STXBP5L: variants seen among roughly 807,000 people sequenced by gnomAD.
STXBP5L encodes syntaxin-binding protein 5-like.
A neutral mutation model predicts 144.5 loss-of-function variants in STXBP5L; 65 were observed. The observed-to-expected ratio is 0.45, with a 90% CI of 0.37 to 0.55. The LOEUF (loss-of-function observed/expected upper bound fraction) is 0.55, where lower values mean the gene tolerates loss of function less well. Ranked by LOEUF, STXBP5L falls within the 20% of genes least tolerant of loss-of-function variation. The pLI is 0.00. For missense variants in STXBP5L, 1,298 were observed against 1,405.5 expected, an observed-to-expected ratio of 0.92 and a Z score of 1.22; for synonymous variants, 505 against 469.6, an observed-to-expected ratio of 1.08 and a Z score of -0.97.
chr3:121,161,113 T>C (rs1324781696), intron 9 of STXBP5L, among the ~76,000 whole-genome samples: 1 of 152,160 alleles, frequency 6.6e-6, no homozygotes, highest in Non-Finnish European at 1.5e-5. Context: ...TTTTCTTTGC[T>C]ATTTATCATT....
chr3:121,014,377 T>C (rs1944993512), intron 3 of STXBP5L, among the ~76,000 whole-genome samples: 1 of 151,964 alleles, frequency 6.6e-6, no homozygotes, highest in South Asian at 2.1e-4. Context: ...AGCAGGGTTG[T>C]CTTTTTTTGA....
At chr3:121,334,105 T>C (rs1014211975) in intron 20 of STXBP5L, among the ~76,000 whole-genome samples, 1 of 152,078 alleles carries the variant, frequency 6.6e-6, no homozygotes, top group African/African-American at 2.4e-5. Context: ...CCTGCCACCA[T>C]CCATGTAAGA....
At chr3:121,399,130 T>C (rs1426631521) in intron 22 of STXBP5L, among the ~76,000 whole-genome samples, 1 of 152,118 alleles carries the variant, frequency 6.6e-6, no homozygotes, top group Non-Finnish European at 1.5e-5. Context: ...TGTAACCTCT[T>C]CTGTACTTCA....
chr3:121,284,334 T>C (rs1428501606), intron 19 of STXBP5L, among the ~76,000 whole-genome samples: 1 of 152,044 alleles, frequency 6.6e-6, no homozygotes, highest in Non-Finnish European at 1.5e-5. Flanking sequence ...GGAAATGCCC[T>C]GCTAAAAGTT....
At chr3:121,138,482 G>A (rs2045358313) in intron 7 of STXBP5L, among the ~76,000 whole-genome samples, 1 of 152,046 alleles carries the variant, frequency 6.6e-6, no homozygotes, top group South Asian at 2.1e-4. Flanking sequence ...AAAGCCGAAG[G>A]CATCACATTA....
chr3:120,909,069 G>A (rs2107537985), intron 1 of STXBP5L: 1 of 152,600 alleles, frequency 6.6e-6, no homozygotes, highest in South Asian at 2.1e-4. Flanking sequence ...TGGGGGAAGA[G>A]CCCGGAAGGT....
intron 13 of STXBP5L, among the ~76,000 whole-genome samples, 198 bp downstream of exon 13, chr3:121,239,316 T>C (rs2049588013): frequency 6.6e-6 from 1 of 151,250 alleles, no homozygotes; most frequent in Non-Finnish European, 1.5e-5. Context: ...CCTATAGAAA[T>C]ATAATTTCTT....
At chr3:120,996,239 G>A (rs1943337250) in intron 3 of STXBP5L, among the ~76,000 whole-genome samples, 2 of 151,610 alleles carry the variant, frequency 1.3e-5, no homozygotes, top group South Asian at 4.2e-4. Flanking sequence ...ATATCTCTGG[G>A]TTTATCTTAT....
chr3:121,093,847 CT>C (rs1300528517), intron 5 of STXBP5L, among the ~76,000 whole-genome samples: 1 of 152,130 alleles, frequency 6.6e-6, no homozygotes, highest in Non-Finnish European at 1.5e-5. Context: ...TTTTCTAGTT[CT>C]TTTAATTGTG....
In STXBP5L at chr3:121,298,683, C is replaced by T. The variant is rs565399681; in HGVS notation, c.2110+18727C>T. ...GAAGGACAAATATTATATGATTCCA[C>T]TTATATGGTGTATATCTAAAATAGT... is the stretch of plus-strand genomic sequence containing the variant. On this transcript the variant is annotated intron_variant, in intron 19 of 26. Coordinates refer to ENST00000471454, the MANE Select transcript of STXBP5L (RefSeq NM_001308330.2). Among the ~76,000 whole-genome samples the T allele has an allele frequency of 6.6e-5, 10 of 152,208 alleles. No homozygotes were observed. The South Asian group carries it at 2.1e-3, about 32-fold the overall frequency.
Position 121,007,393 on chromosome 3 carries a change from C to T in STXBP5L, c.288-34307C>T, listed in dbSNP as rs150129603. 3.1e-3 allele frequency among the ~76,000 whole-genome samples: 463 copies of T among 151,758 alleles called. 3 individuals are homozygous for T. The highest frequency in any genetic ancestry group is 0.01 in the African/African-American group (431 of 41,414). On this transcript the variant is annotated intron_variant, in intron 3 of 26. Coordinates refer to ENST00000471454, the MANE Select transcript of STXBP5L (RefSeq NM_001308330.2). ...GTAGTTATTAATAAAATTCTGGCCT[C>T]AAATTTAATTGAGAATTATTTGCAT...
chr3:121,207,023 T>A (rs1275717349), intron 10 of STXBP5L, among the ~76,000 whole-genome samples: 10 of 152,284 alleles, frequency 6.6e-5, no homozygotes, highest in Non-Finnish European at 1.5e-4. Context: ...ATACTGAATG[T>A]TTGTTTATAA....
intron 4 of STXBP5L, among the ~76,000 whole-genome samples, chr3:121,043,285 G>C (rs147556039): frequency 7.2e-5 from 11 of 152,084 alleles, no homozygotes; most frequent in Non-Finnish European, 1.6e-4. Context: ...GGTTCACTTT[G>C]TTTTTATAAA....
intron 7 of STXBP5L, among the ~76,000 whole-genome samples, chr3:121,123,161 C>T (rs1381069576): frequency 2.6e-5 from 4 of 151,030 alleles, no homozygotes; most frequent in Non-Finnish European, 4.4e-5. Flanking sequence ...AACATCATAC[C>T]GACAAAATGT....
chr3:121,133,912 T>A (rs2045118373), intron 7 of STXBP5L, among the ~76,000 whole-genome samples: 1 of 152,138 alleles, frequency 6.6e-6, no homozygotes, highest in Admixed American at 6.5e-5. Flanking sequence ...TCCCTCATTA[T>A]CAAGAGAACA....
chr3:121,238,278 C>T (rs575006051), intron 12 of STXBP5L, among the ~76,000 whole-genome samples: 10 of 152,014 alleles, frequency 6.6e-5, no homozygotes, highest in South Asian at 4.1e-4. Context: ...AAAGGTGAAG[C>T]GGGGCTGAGC....
chr3:121,356,177 G>T (rs920644390), intron 20 of STXBP5L, among the ~76,000 whole-genome samples: 1 of 152,250 alleles, frequency 6.6e-6, no homozygotes, highest in South Asian at 2.1e-4. Flanking sequence ...CAGCCTGTCT[G>T]TTCTCAGAGT....
chr3:121,365,551 G>A (rs907889913), intron 20 of STXBP5L, among the ~76,000 whole-genome samples: 2 of 151,514 alleles, frequency 1.3e-5, no homozygotes, highest in Admixed American at 1.3e-4. Flanking sequence ...TATGCAATTT[G>A]TTGGCATACA....
chr3:121,417,412 C>A (rs1456640575), intron 25 of STXBP5L, among the ~76,000 whole-genome samples: 1 of 152,034 alleles, frequency 6.6e-6, no homozygotes, highest in Non-Finnish European at 1.5e-5. Context: ...AATATTACAT[C>A]CTTGGGAATT....
Sources: gnomAD v4.1 joint callset for allele counts (sites outside exome capture counted in the v4.1 genomes callset) on GRCh38, gnomAD v4.1.1 for gene constraint, MANE v1.5 for transcripts, NCBI Gene and HGNC (gene_info 2026-07-23, HGNC 2026-07-21) for gene names.